The following TSNARE1 variants were observed in gnomAD, a reference collection of about 807,000 sequenced individuals.
TSNARE1 encodes the protein t-SNARE domain-containing protein 1.
A neutral mutation model predicts 62.0 loss-of-function variants in TSNARE1; 49 were observed. That is an observed-to-expected ratio of 0.79 (90% CI 0.63 to 1.00). The LOEUF is 1.00. Ranked by LOEUF, TSNARE1 falls within the 50% of genes least tolerant of loss-of-function variation. TSNARE1 has a pLI of 0.00. For synonymous variants in TSNARE1, 328 were observed against 294.4 expected, an observed-to-expected ratio of 1.11 and a Z score of -1.17; for missense variants, 755 against 700.1, an observed-to-expected ratio of 1.08 and a Z score of -0.88.
In TSNARE1 at chr8:142,364,558, G is replaced by A. The variant is rs188495355; in HGVS notation, c.-39-9795C>T. ...TGCTTCCTAAATACCACTCTTCACCGAAAGCAAGCAAGAGATATTAACATG... is the reference window on the plus strand; with the variant it reads ...TGCTTCCTAAATACCACTCTTCACCAAAAGCAAGCAAGAGATATTAACATG... On this transcript the variant is annotated intron_variant, in intron 1 of 13. Transcript: ENST00000524325. Among the ~76,000 whole-genome samples the A allele has an allele frequency of 1.3e-4, 20 of 152,232 alleles. 1 individual carries two copies. In the East Asian group the frequency reaches 1.7e-3, roughly 13 times the overall value.
At chr8:142,284,803 G>A (rs1183997578) in intron 10 of TSNARE1, among the ~76,000 whole-genome samples, 1 of 152,202 alleles carries the variant, frequency 6.6e-6, no homozygotes, top group Non-Finnish European at 1.5e-5. Flanking sequence ...GCTTCCCTGA[G>A]TACAGAGGTC....
At chr8:142,374,494 T>C (rs929289420) in intron 1 of TSNARE1, among the ~76,000 whole-genome samples, 3 of 151,276 alleles carry the variant, frequency 2.0e-5, no homozygotes, top group African/African-American at 4.9e-5. Flanking sequence ...CTGGCTAACA[T>C]GGTGAAACCC....
chr8:142,290,013 G>A (rs1346325703), intron 10 of TSNARE1, among the ~76,000 whole-genome samples: 1 of 152,170 alleles, frequency 6.6e-6, no homozygotes, highest in African/African-American at 2.4e-5. Context: ...AGGCACTGTG[G>A]GCCCTGGGCC....
intron 13 of TSNARE1, among the ~76,000 whole-genome samples, chr8:142,225,124 G>A (rs903126279): frequency 3.3e-5 from 5 of 151,830 alleles, no homozygotes; most frequent in Non-Finnish European, 7.4e-5. Flanking sequence ...TCTCCCTGCT[G>A]TCAGCCCCCG....
intron 12 of TSNARE1, among the ~76,000 whole-genome samples, chr8:142,264,199 A>T (rs1013459805): frequency 1.3e-5 from 2 of 152,194 alleles, no homozygotes; most frequent in African/African-American, 2.4e-5. Context: ...GTTATGTAGA[A>T]CTGTTTTAAA....
At chr8:142,312,717 G>T (rs578024664) in intron 9 of TSNARE1, among the ~76,000 whole-genome samples, 35 of 151,716 alleles carry the variant, frequency 2.3e-4, no homozygotes, top group Non-Finnish European at 4.6e-4. Flanking sequence ...GCCTCAAGGG[G>T]AAAACGGACC....
chr8:142,325,545 A>G (rs1356044361), intron 6 of TSNARE1, among the ~76,000 whole-genome samples: 1 of 152,178 alleles, frequency 6.6e-6, no homozygotes, highest in Non-Finnish European at 1.5e-5. Flanking sequence ...AGGAGTGGAC[A>G]GGCCAGCCCA....
chr8:142,300,652 TGACA>T lies in TSNARE1; in HGVS notation c.1132-12_1132-9del. 1 of 1,611,252 alleles carries T rather than the reference TGACA, an allele frequency of 6.2e-7. No homozygotes were observed. The highest frequency in any genetic ancestry group is 2.2e-5 in the East Asian group (1 of 44,850). ...AAACGGGGCCTGGGGACTCTGCTGA[TGACA>T]GACAGATCTTGTTAGCACTGACCCC... On this transcript the variant is annotated splice_polypyrimidine_tract_variant and intron_variant, in intron 9 of 13. Transcript: ENST00000524325.
intron 10 of TSNARE1, among the ~76,000 whole-genome samples, chr8:142,289,970 T>C (rs189952757): frequency 1.3e-5 from 2 of 152,158 alleles, no homozygotes; most frequent in Non-Finnish European, 2.9e-5. Context: ...AGAGGGCCTC[T>C]CAGGCAGGCA....
chr8:142,280,393 G>A (rs1821221656), intron 11 of TSNARE1: 1 of 902,334 alleles, frequency 1.1e-6, no homozygotes, highest in Non-Finnish European at 1.3e-6. Context: ...CGGGGTCACA[G>A]GTCATCACAG....
intron 12 of TSNARE1, chr8:142,269,771 C>A: frequency 6.1e-6 from 6 of 985,180 alleles, no homozygotes; most frequent in Non-Finnish European, 7.2e-6. Context: ...GAGGCCCCGC[C>A]CAGAACCAAC....
At chr8:142,333,880 A>G (rs1283797610) in intron 4 of TSNARE1, among the ~76,000 whole-genome samples, 1 of 152,118 alleles carries the variant, frequency 6.6e-6, no homozygotes, top group Non-Finnish European at 1.5e-5. Context: ...ACGGCCCCCC[A>G]TCACCCAGCA....
At chr8:142,328,613 C>G (rs72687387) in intron 6 of TSNARE1, among the ~76,000 whole-genome samples, 4 of 152,194 alleles carry the variant, frequency 2.6e-5, no homozygotes, top group African/African-American at 7.2e-5. Flanking sequence ...TTCTTCTTTT[C>G]GGCATCAAGG....
intron 4 of TSNARE1, among the ~76,000 whole-genome samples, chr8:142,338,014 A>G (rs1215717561): frequency 6.6e-6 from 1 of 152,216 alleles, no homozygotes; most frequent in Non-Finnish European, 1.5e-5. Flanking sequence ...TCCCAGGAGA[A>G]GGAAGAAAAA....
At chr8:142,391,166 T>C (rs1222463317) in intron 1 of TSNARE1, among the ~76,000 whole-genome samples, 1 of 142,582 alleles carries the variant, frequency 7.0e-6, no homozygotes, top group East Asian at 2.2e-4. Context: ...CTGGGGACTC[T>C]GTAACAGACG....
intron 4 of TSNARE1, 143 bp downstream of exon 4, chr8:142,343,823 G>GGAGGGGA: frequency 3.5e-6 from 2 of 571,294 alleles, no homozygotes; most frequent in East Asian, 7.0e-5. Flanking sequence ...GGGGAGAGGA[G>GGAGGGGA]GAGGGGAGAG....
chr8:142,313,605 T>C (rs1470487854), intron 9 of TSNARE1, among the ~76,000 whole-genome samples: 1 of 152,128 alleles, frequency 6.6e-6, no homozygotes, highest in Non-Finnish European at 1.5e-5. Flanking sequence ...CTATGTGTGT[T>C]TATCTGTATG....
At chr8:142,394,784 G>A (rs1837784014) in intron 1 of TSNARE1, among the ~76,000 whole-genome samples, 1 of 152,182 alleles carries the variant, frequency 6.6e-6, no homozygotes, top group Non-Finnish European at 1.5e-5. Flanking sequence ...GGTCACCGCA[G>A]CACTCCCCAC....
intron 1 of TSNARE1, among the ~76,000 whole-genome samples, chr8:142,373,632 C>T (rs545091592): frequency 1.2e-3 from 177 of 149,970 alleles, no homozygotes; most frequent in African/African-American, 4.2e-3. Flanking sequence ...CACCCCCACC[C>T]CTCCTTCTAC....
Sources: gnomAD v4.1 joint callset for allele counts (sites outside exome capture counted in the v4.1 genomes callset) on GRCh38, gnomAD v4.1.1 for gene constraint, MANE v1.5 for transcripts, NCBI Gene and HGNC (gene_info 2026-07-23, HGNC 2026-07-21) for gene names.